The following ASIC2 variants were observed in gnomAD, a reference collection of about 807,000 sequenced individuals.
The protein encoded by ASIC2 is acid-sensing ion channel 2.
Under a neutral mutation model 57.3 loss-of-function variants are expected in ASIC2, and 25 were observed. That is an observed-to-expected ratio of 0.44 (90% CI 0.32 to 0.61). ASIC2 has a LOEUF of 0.61. Ranked by LOEUF, ASIC2 falls within the 20% of genes least tolerant of loss-of-function variation. ASIC2 has a pLI of 0.06. For missense variants in ASIC2, 641 were observed against 738.1 expected (o/e 0.87, Z 1.52); for synonymous variants, 319 against 307.5 (o/e 1.04, Z -0.39).
intron 1 of ASIC2, among the ~76,000 whole-genome samples, chr17:33,817,612 G>A (rs1912623531): frequency 6.6e-6 from 1 of 152,174 alleles, no homozygotes; most frequent in Non-Finnish European, 1.5e-5. Context: ...TAACCTCCCT[G>A]AGAGCAGTTT....
At chr17:33,063,952 C>T (rs901533662) in intron 3 of ASIC2, among the ~76,000 whole-genome samples, 8 of 152,220 alleles carry the variant, frequency 5.3e-5, no homozygotes, top group Admixed American at 2.6e-4. Flanking sequence ...TTGATCGAAT[C>T]GGTTACTGAA....
rs145521676 is a variant in ASIC2 at position 33,894,321 on chromosome 17, G to A, written c.555+261657C>T. On this transcript the variant is annotated intron_variant, in intron 1 of 9. Coordinates refer to the ASIC2 transcript ENST00000359872. ...AGAAGAGGGGAAGGACAGAATGAGA[G>A]AAGCTCTGCGTGCGTGCGTGCGTGC... Among the ~76,000 whole-genome samples, 1,422 of 151,034 alleles carry A rather than the reference G, an allele frequency of 9.4e-3. 13 individuals carry two copies. Among genetic ancestry groups the A allele is most frequent in the Non-Finnish European group, 0.016 (1,087 of 67,880 alleles).
intron 1 of ASIC2, among the ~76,000 whole-genome samples, chr17:33,815,604 G>A (rs144550259): frequency 1.4e-3 from 209 of 152,262 alleles, no homozygotes; most frequent in Admixed American, 2.0e-3. Flanking sequence ...GCCCAGGGCT[G>A]GTGGTACTGT....
chr17:33,626,238 T>C (rs192777756), intron 1 of ASIC2, among the ~76,000 whole-genome samples: 1 of 152,306 alleles, frequency 6.6e-6, no homozygotes, highest in African/African-American at 2.4e-5. Context: ...ATGTGGTTGG[T>C]AAGTATGGAA....
intron 3 of ASIC2, among the ~76,000 whole-genome samples, chr17:33,080,339 T>G (rs1403090950): frequency 6.6e-6 from 1 of 152,126 alleles, no homozygotes; most frequent in Non-Finnish European, 1.5e-5. Flanking sequence ...AGGCTGGGTT[T>G]AGCCAAAGAG....
chr17:33,581,593 G>A (rs1904442468), intron 1 of ASIC2: 1 of 152,182 alleles, frequency 6.6e-6, no homozygotes, highest in Admixed American at 6.5e-5. Flanking sequence ...GGACCCCACA[G>A]GGTGGGAGTC....
chr17:33,136,188 T>C (rs1326308118), intron 1 of ASIC2, among the ~76,000 whole-genome samples: 4 of 152,240 alleles, frequency 2.6e-5, no homozygotes, highest in African/African-American at 9.7e-5. Flanking sequence ...TTGTTTGCTA[T>C]ATATAAAAGT....
intron 1 of ASIC2, among the ~76,000 whole-genome samples, chr17:34,034,463 G>A (rs1332405508): frequency 6.6e-6 from 1 of 152,188 alleles, no homozygotes; most frequent in Non-Finnish European, 1.5e-5. Context: ...AGACAGGGAT[G>A]CCCTCTCTCA....
chr17:33,129,448 G>C (rs1027088276), intron 1 of ASIC2, among the ~76,000 whole-genome samples: 3 of 152,202 alleles, frequency 2.0e-5, no homozygotes, highest in Admixed American at 2.0e-4. Context: ...TTGGAAAAAA[G>C]AACAGACATA....
intron 1 of ASIC2, among the ~76,000 whole-genome samples, chr17:33,822,757 G>T (rs1045222309): frequency 6.6e-6 from 1 of 152,164 alleles, no homozygotes; most frequent in African/African-American, 2.4e-5. Context: ...CCTGGGATGT[G>T]GTTGTGAGTT....
intron 1 of ASIC2, among the ~76,000 whole-genome samples, chr17:33,543,296 CA>C (rs1429414647): frequency 8.3e-6 from 1 of 121,082 alleles, no homozygotes; most frequent in Non-Finnish European, 1.7e-5. Context: ...TAAAACAAAA[CA>C]AAAACAAAAA....
At chr17:33,578,644 C>T (rs938167748) in intron 1 of ASIC2, among the ~76,000 whole-genome samples, 1 of 152,096 alleles carries the variant, frequency 6.6e-6, no homozygotes, top group Non-Finnish European at 1.5e-5. Context: ...TGTCATTAGA[C>T]TCCATCTCTC....
At position 33,876,762 on chromosome 17, in the gene ASIC2, T is replaced by C. The variant is rs528870453; in HGVS notation, c.555+279216A>G. Among the ~76,000 whole-genome samples, 162 of 152,328 alleles carry C rather than the reference T, an allele frequency of 1.1e-3. 2 individuals are homozygous for C. Among genetic ancestry groups the C allele is most frequent in the Admixed American group, 1.2e-3 (19 of 15,300 alleles). On this transcript the variant is annotated intron_variant, in intron 1 of 9. Transcript: ENST00000359872. ...CCAGCCTCACAAGTGGACTGTGGTA[T>C]CTAAAGGACAGATGATATCCATGGG...
chr17:33,752,199 C>A (rs1156759072), intron 1 of ASIC2, among the ~76,000 whole-genome samples: 1 of 151,922 alleles, frequency 6.6e-6, no homozygotes. Context: ...AGAGTCGGCC[C>A]TTTCAAACAG....
intron 1 of ASIC2, among the ~76,000 whole-genome samples, chr17:33,554,140 G>A (rs143739085): frequency 7.9e-5 from 12 of 152,300 alleles, no homozygotes; most frequent in African/African-American, 2.6e-4. Context: ...CAAATTGGTC[G>A]GTGATGTTTT....
chr17:34,051,818 A>C (rs965367434), intron 1 of ASIC2: 1 of 147,530 alleles, frequency 6.8e-6, no homozygotes, highest in Admixed American at 6.7e-5. Context: ...GAATTTTCTG[A>C]ACACACACAC....
At chr17:33,540,289 T>A (rs2141968210) in intron 1 of ASIC2, among the ~76,000 whole-genome samples, 1 of 152,318 alleles carries the variant, frequency 6.6e-6, no homozygotes, top group Non-Finnish European at 1.5e-5. Flanking sequence ...ATGACACAAA[T>A]CATATTGAAT....
intron 1 of ASIC2, among the ~76,000 whole-genome samples, chr17:34,065,962 G>GTATTAGAACTGTCCACAACAA (rs1909159093): frequency 6.6e-6 from 1 of 152,148 alleles, no homozygotes; most frequent in Non-Finnish European, 1.5e-5. Flanking sequence ...TCTCGAGATA[G>GTATTAGAACTGTCCACAACAA]TATTAGAACT....
At chr17:33,476,553 G>GC (rs1913235313) in intron 1 of ASIC2, among the ~76,000 whole-genome samples, 1 of 147,778 alleles carries the variant, frequency 6.8e-6, no homozygotes, top group African/African-American at 2.5e-5. Context: ...GGGTGTGTGT[G>GC]TGTGTGTGTG....
Sources: allele counts gnomAD v4.1 joint callset (sites outside exome capture counted in the v4.1 genomes callset), GRCh38; gene constraint gnomAD v4.1.1; transcripts MANE v1.5; gene names NCBI Gene and HGNC (gene_info 2026-07-23, HGNC 2026-07-21).